WWOX: variants seen among roughly 807,000 people sequenced by gnomAD.
WWOX encodes WW domain-containing oxidoreductase.
Under a neutral mutation model 46.2 loss-of-function variants are expected in WWOX, and 69 were observed. The observed-to-expected ratio is 1.49, with a 90% confidence interval of 1.23 to 1.82. The LOEUF (loss-of-function observed/expected upper bound fraction) is 1.82, where lower values mean the gene tolerates loss of function less well. Among genes scored for constraint, WWOX ranks in the 40% most tolerant of loss-of-function variants. The pLI is 0.00. For synonymous variants in WWOX, 359 were observed against 202.6 expected, an observed-to-expected ratio of 1.77 and a Z score of -6.56; for missense variants, 919 against 542.6, an observed-to-expected ratio of 1.69 and a Z score of -6.89.
At chr16:78,293,327 A>C (rs186510532) in intron 5 of WWOX, among the ~76,000 whole-genome samples, 1 of 152,282 alleles carries the variant, frequency 6.6e-6, no homozygotes, top group East Asian at 1.9e-4. Flanking sequence ...TTAAGGGTTG[A>C]TTATCTTTGC....
chr16:78,561,243 C>T (rs766192597), intron 8 of WWOX, among the ~76,000 whole-genome samples: 1 of 150,476 alleles, frequency 6.6e-6, no homozygotes, highest in Admixed American at 6.6e-5. Flanking sequence ...TGCATGGAGT[C>T]CCCTCCTGCT....
chr16:78,435,703 C>A (rs1265211514), intron 8 of WWOX, among the ~76,000 whole-genome samples: 1 of 152,138 alleles, frequency 6.6e-6, no homozygotes, highest in African/African-American at 2.4e-5. Flanking sequence ...AAGTGGCAAC[C>A]TGGGACAGTG....
chr16:79,108,514 G>T (rs927636182), intron 8 of WWOX, among the ~76,000 whole-genome samples: 1 of 152,258 alleles, frequency 6.6e-6, no homozygotes, highest in Non-Finnish European at 1.5e-5. Flanking sequence ...GAGCTGTGCA[G>T]TCCTGGATGA....
intron 8 of WWOX, among the ~76,000 whole-genome samples, chr16:78,555,319 C>G (rs763330294): frequency 2.0e-5 from 3 of 152,058 alleles, no homozygotes; most frequent in African/African-American, 7.2e-5. Flanking sequence ...CTTTTTTATT[C>G]TAATACTCAC....
At chr16:78,665,657 G>T (rs1055032472) in intron 8 of WWOX, among the ~76,000 whole-genome samples, 1 of 152,086 alleles carries the variant, frequency 6.6e-6, no homozygotes, top group African/African-American at 2.4e-5. Context: ...ATCCTGAGCT[G>T]ACCCAAGACA....
At chr16:78,698,581 T>G (rs2048148065) in intron 8 of WWOX, among the ~76,000 whole-genome samples, 1 of 152,228 alleles carries the variant, frequency 6.6e-6, no homozygotes, top group Non-Finnish European at 1.5e-5. Context: ...TTAAAAATAT[T>G]ATGCTACATT....
intron 8 of WWOX, among the ~76,000 whole-genome samples, chr16:78,604,369 A>AT (rs1376706204): frequency 1.2e-4 from 18 of 152,040 alleles, no homozygotes; most frequent in African/African-American, 3.4e-4. Context: ...GTTACTGTAC[A>AT]TGGGCCCTCG....
chr16:78,474,909 C>T (rs1043988674), intron 8 of WWOX, among the ~76,000 whole-genome samples: 2 of 152,104 alleles, frequency 1.3e-5, no homozygotes, highest in Non-Finnish European at 2.9e-5. Flanking sequence ...TTTTCAGTTC[C>T]TTGTTTTTTC....
chr16:78,811,805 T>C (rs550770099), intron 8 of WWOX, among the ~76,000 whole-genome samples: 1 of 152,312 alleles, frequency 6.6e-6, no homozygotes, highest in East Asian at 1.9e-4. Flanking sequence ...CTTTGACATA[T>C]GAATGAGGGG....
At chr16:78,682,457 C>G (rs988375261) in intron 8 of WWOX, among the ~76,000 whole-genome samples, 2 of 152,040 alleles carry the variant, frequency 1.3e-5, no homozygotes, top group Admixed American at 1.3e-4. Flanking sequence ...GTGGCGTGTA[C>G]CTGTAATCCC....
chr16:78,336,003 A>C (rs1231935039), intron 5 of WWOX, among the ~76,000 whole-genome samples: 1 of 152,060 alleles, frequency 6.6e-6, no homozygotes, highest in Non-Finnish European at 1.5e-5. Context: ...GGGGCAGGAG[A>C]ATCGCTTGAA....
intron 4 of WWOX, among the ~76,000 whole-genome samples, chr16:78,122,205 A>T (rs184789364): frequency 5.9e-5 from 9 of 152,310 alleles, no homozygotes; most frequent in East Asian, 5.8e-4. Flanking sequence ...TCCAGTTTTC[A>T]GGCATCACTG....
intron 8 of WWOX, among the ~76,000 whole-genome samples, chr16:78,627,308 A>G (rs1426828710): frequency 6.6e-6 from 1 of 152,190 alleles, no homozygotes; most frequent in African/African-American, 2.4e-5. Flanking sequence ...TTAAAGTCCC[A>G]AAGGGAGGCC....
chr16:79,211,598 G>C lies in WWOX; in HGVS notation c.1057-10G>C. 5 of 1,614,122 alleles carry C rather than the reference G, an allele frequency of 3.1e-6. No homozygotes were observed. Among genetic ancestry groups the C allele is most frequent in the Non-Finnish European group, 4.2e-6 (5 of 1,180,022 alleles). On this transcript the variant is annotated splice_polypyrimidine_tract_variant and intron_variant, in intron 8 of 8. Coordinates refer to ENST00000566780, the MANE Select transcript of WWOX (RefSeq NM_016373.4). ...AAAATTTTTTTTTGTCTTTCTTCTTGGATTTCCAGCAACAGGGAGCTGCCA... is the reference window on the plus strand; with the variant it reads ...AAAATTTTTTTTTGTCTTTCTTCTTCGATTTCCAGCAACAGGGAGCTGCCA...
At chr16:78,296,414 G>T (rs150875279) in intron 5 of WWOX, among the ~76,000 whole-genome samples, 1 of 151,740 alleles carries the variant, frequency 6.6e-6, no homozygotes, top group Non-Finnish European at 1.5e-5. Context: ...AGGGCTCAAA[G>T]GTAATTTCAT....
intron 8 of WWOX, among the ~76,000 whole-genome samples, chr16:78,894,754 G>C (rs930090978): frequency 6.6e-6 from 1 of 152,102 alleles, no homozygotes; most frequent in Admixed American, 6.6e-5. Flanking sequence ...AAGAAGACGG[G>C]ACTAAAATCA....
intron 8 of WWOX, among the ~76,000 whole-genome samples, chr16:79,155,698 G>A (rs990359296): frequency 1.3e-5 from 2 of 152,180 alleles, no homozygotes; most frequent in South Asian, 2.1e-4. Flanking sequence ...GGTCAGGGAG[G>A]GGCCTCAATT....
At chr16:78,672,440 A>G (rs1329387885) in intron 8 of WWOX, among the ~76,000 whole-genome samples, 1 of 152,188 alleles carries the variant, frequency 6.6e-6, no homozygotes, top group Non-Finnish European at 1.5e-5. Flanking sequence ...TAAGACTGGA[A>G]TGTGGGTGTG....
At chr16:78,684,538 G>C (rs900336913) in intron 8 of WWOX, among the ~76,000 whole-genome samples, 1 of 152,160 alleles carries the variant, frequency 6.6e-6, no homozygotes, top group Admixed American at 6.5e-5. Context: ...TGTGATGCAA[G>C]CATGCCCGCT....
Sources: allele counts gnomAD v4.1 joint callset (sites outside exome capture counted in the v4.1 genomes callset), GRCh38; gene constraint gnomAD v4.1.1; transcripts MANE v1.5; gene names NCBI Gene and HGNC (gene_info 2026-07-23, HGNC 2026-07-21).